The following ASPA variants were observed in gnomAD, a reference collection of about 807,000 sequenced individuals.
ASPA encodes the protein aspartoacylase.
Under a neutral mutation model 29.6 loss-of-function variants are expected in ASPA, and 25 were observed. The ratio of observed to expected loss-of-function variants is 0.85; its 90% CI spans 0.62 to 1.18. The LOEUF (loss-of-function observed/expected upper bound fraction) is 1.18. Among genes scored for constraint, ASPA ranks in the 50% most tolerant of loss-of-function variants. The pLI is 0.00. For missense variants in ASPA, 333 were observed against 385.7 expected (o/e 0.86, Z 1.14); for synonymous variants, 131 against 130.3 (o/e 1.01, Z -0.04).
At chr17:3,498,059 G>A (rs759031785) in intron 5 of ASPA, among the ~76,000 whole-genome samples, 5 of 152,076 alleles carry the variant, frequency 3.3e-5, no homozygotes, top group Non-Finnish European at 5.9e-5. Context: ...CACCCACCTT[G>A]TCCCAGACTC....
In ASPA at chr17:3,488,614, ACC is replaced by A. The variant is rs2073768416; in HGVS notation, c.527-620_527-619del. Among the ~76,000 whole-genome samples, 4 of 152,034 alleles carry A rather than the reference ACC, an allele frequency of 2.6e-5. No individual in the cohort carries two copies. The highest frequency in any genetic ancestry group is 4.4e-5 in the Non-Finnish European group (3 of 67,964). ...AGAGGTTGCAGTGAGCAGAAATCAC[ACC>A]ACTGTACTCCAGCCTGGGTGACAGA... On this transcript the variant is annotated intron_variant, in intron 3 of 5. Transcript: ENST00000263080. This position sits in a 1 kb window ranked among gnomAD's most constrained non-coding sequence, Gnocchi z 6.1.
intron 4 of ASPA, among the ~76,000 whole-genome samples, chr17:3,491,997 C>A (rs1352625560): frequency 6.6e-6 from 1 of 151,432 alleles, no homozygotes; most frequent in African/African-American, 2.4e-5. Context: ...CCCACCCAGC[C>A]TCCTGAGTTG....
intron 2 of ASPA, 150 bp downstream of exon 2, chr17:3,481,948 G>T: frequency 1.4e-6 from 1 of 715,454 alleles, no homozygotes; most frequent in Admixed American, 2.7e-5. Flanking sequence ...TGGGGGGAAA[G>T]GGTGCTACCA....
At position 3,483,572 on chromosome 17, in the gene ASPA, C is replaced by G. The variant is rs1260769216; in HGVS notation, c.506C>G (p.Ser169Cys). 5.6e-6 allele frequency: 9 copies of G among 1,613,770 alleles called. No individual in the cohort carries two copies. The highest frequency in any genetic ancestry group is 6.8e-6 in the Non-Finnish European group (8 of 1,179,668). ...HPSLKYATTR[S>C]IAKYPVGIEV... ...TCCCTCAAATATGCGACCACTCGTTCCATAGCCAAGTATCCTGTGGGTAAG... is the reference window on the plus strand; with the variant it reads ...TCCCTCAAATATGCGACCACTCGTTGCATAGCCAAGTATCCTGTGGGTAAG... The change falls in exon 3 of 6, where the codon TCC (serine) becomes TGC (cysteine). Residue 169 changes from serine (S) to cysteine (C), a missense_variant. By Grantham distance (112) the Ser-to-Cys change is moderately radical. Coordinates refer to ENST00000263080, the MANE Select transcript of ASPA (RefSeq NM_000049.4).
Position 3,481,069 on chromosome 17 carries a change from T to C in ASPA, c.237-534T>C, listed in dbSNP as rs143265059. Among the ~76,000 whole-genome samples, 548 of 151,900 alleles carry C rather than the reference T, an allele frequency of 3.6e-3. 5 individuals are homozygous for C. Among genetic ancestry groups the C allele is most frequent in the African/African-American group, 0.012 (500 of 41,420 alleles). On this transcript the variant is annotated intron_variant, in intron 1 of 5. Coordinates refer to ENST00000263080, the MANE Select transcript of ASPA (RefSeq NM_000049.4). ...GCCCAGGAGTTTGAGGGTACAGTGA[T>C]CCATAATTGGGCCACTGCACTCCAG...
At position 3,500,748 on chromosome 17, in the gene ASPA, C is replaced by T. The variant is rs1460128942; in HGVS notation, c.*1660C>T. 6.6e-6 allele frequency: 1 copy of T among 152,134 alleles called. No homozygotes were observed. The highest frequency in any genetic ancestry group is 1.5e-5 in the Non-Finnish European group (1 of 68,056). 9.4% of individuals were successfully genotyped at this position (152,134 alleles called of 1,614,324 possible). The stretch of plus-strand genomic sequence containing the variant: ...CTCGATCTCCTGACCTCATGATCCG[C>T]CTGCCTCGGCCTCCCAAAGTGCTGG... On this transcript the variant is annotated 3_prime_UTR_variant, in exon 6 of 6. Coordinates refer to ENST00000263080, the MANE Select transcript of ASPA (RefSeq NM_000049.4).
At chr17:3,482,049 G>A (rs1178337053) in intron 2 of ASPA, among the ~76,000 whole-genome samples, 1 of 152,074 alleles carries the variant, frequency 6.6e-6, no homozygotes, top group Non-Finnish European at 1.5e-5. Flanking sequence ...AACACTTGTG[G>A]ATTCTTGTGT....
In ASPA at chr17:3,493,891, C is replaced by A. The variant is rs571887257; in HGVS notation, c.635-459C>A. Among the ~76,000 whole-genome samples, 14 of 152,284 alleles carry A rather than the reference C, an allele frequency of 9.2e-5. 2 individuals are homozygous for A. The South Asian group carries it at 2.7e-3, about 29-fold the overall frequency. ...TTGTGGACAGAGTGCTGATAGGAATCATTCAAGGACATCTTTTGGCCTAGT... is the reference window on the plus strand; with the variant it reads ...TTGTGGACAGAGTGCTGATAGGAATAATTCAAGGACATCTTTTGGCCTAGT... On this transcript the variant is annotated intron_variant, in intron 4 of 5. Coordinates refer to ENST00000263080, the MANE Select transcript of ASPA (RefSeq NM_000049.4).
rs1263617479 is a variant in ASPA at position 3,499,842 on chromosome 17, A to G, written c.*754A>G. On this transcript the variant is annotated 3_prime_UTR_variant, in exon 6 of 6. Transcript: ENST00000263080. ...GTGTTCAAGTGAAAGAAAGGGTCAT[A>G]CTTCTAGAAATTAAGCTTAGTAAGG... 6.6e-6 allele frequency: 1 copy of G among 152,202 alleles called. No homozygotes were observed. Among genetic ancestry groups the G allele is most frequent in the Non-Finnish European group, 1.5e-5 (1 of 68,044 alleles). The allele number at this position is 152,202 out of a possible 1,614,324, so 9.4% of individuals were successfully genotyped here.
At chr17:3,487,173 C>T (rs148196273) in intron 3 of ASPA, among the ~76,000 whole-genome samples, 3 of 152,214 alleles carry the variant, frequency 2.0e-5, no homozygotes, top group Middle Eastern at 3.4e-3. Context: ...TCCTTGAGAA[C>T]AGAGTACAAA....
intron 4 of ASPA, among the ~76,000 whole-genome samples, chr17:3,491,877 C>CTTTTTTTTTTTTTTT (rs540965896): frequency 1.6e-5 from 2 of 123,062 alleles, no homozygotes; most frequent in African/African-American, 3.1e-5. Flanking sequence ...CTTTTGTTTT[C>CTTTTTTTTTTTTTTT]TTTTTTTTTT....
At position 3,488,087 on chromosome 17, in the gene ASPA, A is replaced by G. The variant is rs949313296; in HGVS notation, c.527-1148A>G. 6.6e-6 allele frequency among the ~76,000 whole-genome samples: 1 copy of G among 152,234 alleles called. No homozygotes were observed. The highest frequency in any genetic ancestry group is 6.5e-5 in the Admixed American group (1 of 15,290). ...GAAATAACAGAAGCGGGTGAAAACA[A>G]GATGAGTGTAAAAGAATGCAGTATG... On this transcript the variant is annotated intron_variant, in intron 3 of 5. Transcript: ENST00000263080. This position sits in a 1 kb window ranked among gnomAD's most constrained non-coding sequence, Gnocchi z 6.1.
rs1431542483 is a variant in ASPA at position 3,498,973 on chromosome 17, G to A, written c.827G>A (p.Cys276Tyr). 2 of 1,614,012 alleles carry A rather than the reference G, an allele frequency of 1.2e-6. No homozygotes were observed. Among genetic ancestry groups the A allele is most frequent in the Non-Finnish European group, 1.7e-6 (2 of 1,180,012 alleles). Reference protein sequence around the residue: ...DGKTIPLGGDCTVYPVFVNEA... With the variant: ...DGKTIPLGGDYTVYPVFVNEA... Reference sequence around the variant, plus strand: ...AAGACGATCCCACTGGGCGGAGACTGTACCGTGTACCCCGTGTTTGTGAAT... The same window carrying A: ...AAGACGATCCCACTGGGCGGAGACTATACCGTGTACCCCGTGTTTGTGAAT... Residue 276 changes from cysteine to tyrosine, a missense_variant, in exon 6 of 6, where the codon TGT becomes TAT. Coordinates refer to ENST00000263080, the MANE Select transcript of ASPA (RefSeq NM_000049.4).
chr17:3,498,916 C>A lies in ASPA; in HGVS notation c.770C>A (p.Pro257His). Residue 257 changes from proline (P) to histidine (H), a missense_variant, in exon 6 of 6, where the codon CCT becomes CAT. Pro to His is a moderately conservative substitution (Grantham distance 77). Transcript: ENST00000263080. ...GATCAAGACTGGAAACCACTGCATCCTGGGGATCCCATGTTTTTAACTCTT... is the reference window on the plus strand; with the variant it reads ...GATCAAGACTGGAAACCACTGCATCATGGGGATCCCATGTTTTTAACTCTT... ...LQDQDWKPLH[P>H]GDPMFLTLDG... is the part of the protein sequence containing the mutation. 6.2e-7 allele frequency: 1 copy of A among 1,605,264 alleles called. No homozygotes were observed. Among genetic ancestry groups the A allele is most frequent in the Non-Finnish European group, 8.5e-7 (1 of 1,174,744 alleles).
rs999563868 is a variant in ASPA at position 3,481,669 on chromosome 17, T to A, written c.303T>A (p.Gly101=). Residue 101 remains glycine, a synonymous_variant, in exon 2 of 6, where the codon GGT becomes GGA. Coordinates refer to ENST00000263080, the MANE Select transcript of ASPA (RefSeq NM_000049.4). ...CTCAAGAAATAAATCATTTATTTGGTCCAAAAGACAGTGAAGATTCCTATG... is the reference window on the plus strand; with the variant it reads ...CTCAAGAAATAAATCATTTATTTGGACCAAAAGACAGTGAAGATTCCTATG... ...RRAQEINHLF[G]PKDSEDSYDI... is the part of the protein sequence containing the mutation. 4 of 1,613,798 alleles carry A rather than the reference T, an allele frequency of 2.5e-6. No homozygotes were observed. The African/African-American group carries it at 5.3e-5, about 22-fold the overall frequency.
At position 3,476,236 on chromosome 17, in the gene ASPA, C is replaced by T. The variant is rs1480068143; in HGVS notation, c.77C>T (p.Thr26Ile). The change falls in exon 1 of 6, where the codon ACC (threonine) becomes ATC (isoleucine). Residue 26 changes from threonine (T) to isoleucine (I), a missense_variant. Thr to Ile is a moderately conservative substitution (Grantham distance 89). Coordinates refer to ENST00000263080, the MANE Select transcript of ASPA (RefSeq NM_000049.4). The stretch of plus-strand genomic sequence containing the variant: ...GGAGGAACCCATGGGAATGAGCTAA[C>T]CGGAGTATTTCTGGTTAAGCATTGG... Reference protein sequence around the residue: ...IFGGTHGNELTGVFLVKHWLE... With the variant: ...IFGGTHGNELIGVFLVKHWLE... 2 of 1,614,146 alleles carry T rather than the reference C, an allele frequency of 1.2e-6. No homozygotes were observed. Among genetic ancestry groups the T allele is most frequent in the South Asian group, 1.1e-5 (1 of 91,090 alleles).
At chr17:3,482,063 T>C (rs1017919417) in intron 2 of ASPA, among the ~76,000 whole-genome samples, 2 of 152,222 alleles carry the variant, frequency 1.3e-5, no homozygotes, top group African/African-American at 4.8e-5. Flanking sequence ...CTTGTGTCTA[T>C]AAAATTACAC....
At chr17:3,492,669 ACAGCCCACATTGGC>A (rs2073844756) in intron 4 of ASPA, among the ~76,000 whole-genome samples, 2 of 152,208 alleles carry the variant, frequency 1.3e-5, no homozygotes, top group South Asian at 4.1e-4. Context: ...ATTATGTACA[ACAGCCCACATTGGC>A]CTGCTGGATA....
Position 3,485,035 on chromosome 17 carries a change from T to C in ASPA, c.526+1443T>C, listed in dbSNP as rs533776096. 6.6e-6 allele frequency among the ~76,000 whole-genome samples: 1 copy of C among 152,286 alleles called. No homozygotes were observed. Among genetic ancestry groups the C allele is most frequent in the South Asian group, 2.1e-4 (1 of 4,824 alleles). ...CAGTAGGGTTTTGTTTTGTTTTTTTTCTGGAAAAGGGTCTCACTCTGTTGC... is the reference window on the plus strand; with the variant it reads ...CAGTAGGGTTTTGTTTTGTTTTTTTCCTGGAAAAGGGTCTCACTCTGTTGC... On this transcript the variant is annotated intron_variant, in intron 3 of 5. Coordinates refer to ENST00000263080, the MANE Select transcript of ASPA (RefSeq NM_000049.4). This position sits in a 1 kb window ranked among gnomAD's most constrained non-coding sequence, Gnocchi z 4.4.
Sources: gnomAD v4.1 joint callset for allele counts (sites outside exome capture counted in the v4.1 genomes callset) on GRCh38, gnomAD v4.1.1 for gene constraint, Gnocchi (gnomAD v3.1) non-coding constraint, MANE v1.5 for transcripts, NCBI Gene and HGNC (gene_info 2026-07-23, HGNC 2026-07-21) for gene names.